Variants in FAM78B observed in about 807,000 individuals in gnomAD.
FAM78B encodes family with sequence similarity 78 member B.
FAM78B carries 10 observed loss-of-function variants against 20.0 expected under a neutral mutation model. The observed-to-expected ratio is 0.50, with a 90% CI of 0.31 to 0.85. FAM78B has a LOEUF of 0.85. FAM78B is among the 40% of genes least tolerant of loss of function. The pLI is 0.05. For missense variants in FAM78B, 283 were observed against 345.0 expected (o/e 0.82, Z 1.42); for synonymous variants, 135 against 132.8 (o/e 1.02, Z -0.12).
At chr1:166,098,264 C>T (rs968183684) in intron 1 of FAM78B, among the ~76,000 whole-genome samples, 1 of 152,080 alleles carries the variant, frequency 6.6e-6, no homozygotes, top group East Asian at 1.9e-4. Flanking sequence ...TTGACAGAGA[C>T]TACCCAAATG....
chr1:166,157,640 C>A (rs1216669658), intron 1 of FAM78B, among the ~76,000 whole-genome samples: 2 of 152,130 alleles, frequency 1.3e-5, no homozygotes, highest in African/African-American at 2.4e-5. Flanking sequence ...AGCCAGGGGT[C>A]CCTTCCACCA....
At chr1:166,155,182 C>T (rs1305448195) in intron 1 of FAM78B, among the ~76,000 whole-genome samples, 2 of 152,168 alleles carry the variant, frequency 1.3e-5, no homozygotes, top group African/African-American at 2.4e-5. Flanking sequence ...TCAGCAAGGA[C>T]GAAAGCAAAC....
rs771421402 is a variant in FAM78B at position 166,084,237 on chromosome 1, A to ACACACACTCT, written c.264-13475_264-13474insAGAGTGTGTG. Among the ~76,000 whole-genome samples the ACACACACTCT allele has an allele frequency of 3.3e-3, 420 of 125,464 alleles. 3 individuals are homozygous for ACACACACTCT. The highest frequency in any genetic ancestry group is 6.8e-3 in the South Asian group (26 of 3,826). The allele number at this position is 125,464 out of a possible 152,430, so 82.3% of individuals were successfully genotyped here. A position where few individuals can be genotyped will look rare whatever the true frequency, so the allele number is the denominator to read the frequency against. ...CACACACACACACACACACACACAC[A>ACACACACTCT]CTCTCTCTCTCTCTCTCTCTCTCTC... On this transcript the variant is annotated intron_variant, in intron 1 of 1. Transcript: ENST00000354422.
At chr1:166,142,323 T>C (rs1026528522) in intron 1 of FAM78B, among the ~76,000 whole-genome samples, 1 of 152,190 alleles carries the variant, frequency 6.6e-6, no homozygotes, top group African/African-American at 2.4e-5. Flanking sequence ...AGACTCTCCC[T>C]GTGCCCTAAG....
At chr1:166,064,481 T>G (rs527606511), downstream of FAM78B, among the ~76,000 whole-genome samples, 1 of 152,280 alleles carries the variant, frequency 6.6e-6, no homozygotes, top group East Asian at 1.9e-4. Context: ...CAGCCTCCTT[T>G]CCTTTCCAAA....
intron 1 of FAM78B, among the ~76,000 whole-genome samples, chr1:166,151,917 G>GTA (rs1296314102): frequency 1.3e-5 from 2 of 152,114 alleles, no homozygotes; most frequent in Admixed American, 6.5e-5. Flanking sequence ...ATCCATACCA[G>GTA]TACTTAACTT....
chr1:166,074,121 A>G (rs1652164261), intron 1 of FAM78B, among the ~76,000 whole-genome samples: 3 of 152,210 alleles, frequency 2.0e-5, no homozygotes, highest in Admixed American at 2.0e-4. Flanking sequence ...CTTTCTATAC[A>G]TAAAATCCTT....
At chr1:166,063,288 T>C (rs554312839) in intron 2 of FAM78B, among the ~76,000 whole-genome samples, 41 of 152,348 alleles carry the variant, frequency 2.7e-4, no homozygotes, top group African/African-American at 9.9e-4. Flanking sequence ...TTCAGAGGGA[T>C]ACCACAACAT....
chr1:166,123,715 G>C (rs1654543378), intron 1 of FAM78B, among the ~76,000 whole-genome samples: 1 of 152,196 alleles, frequency 6.6e-6, no homozygotes, highest in Admixed American at 6.5e-5. Context: ...GGCAGTTCCT[G>C]GGATCTCAGG....
chr1:166,130,164 T>C (rs965370313), intron 1 of FAM78B, among the ~76,000 whole-genome samples: 1 of 152,000 alleles, frequency 6.6e-6, no homozygotes, highest in South Asian at 2.1e-4. Flanking sequence ...GTGTCATCCA[T>C]GAAAACAGGC....
intron 1 of FAM78B, among the ~76,000 whole-genome samples, chr1:166,106,445 TA>T (rs937458114): frequency 5.2e-4 from 77 of 148,226 alleles, no homozygotes; most frequent in African/African-American, 1.8e-3. Context: ...AAACTTAAAT[TA>T]AAAAAAAAAG....
At chr1:166,100,694 A>G (rs1053400550) in intron 1 of FAM78B, among the ~76,000 whole-genome samples, 3 of 152,248 alleles carry the variant, frequency 2.0e-5, no homozygotes, top group African/African-American at 7.2e-5. Flanking sequence ...AAGCAGCTGG[A>G]AAGCTCGAAC....
intron 1 of FAM78B, among the ~76,000 whole-genome samples, chr1:166,154,230 TG>T (rs1655806711): frequency 1.3e-5 from 2 of 152,010 alleles, no homozygotes; most frequent in South Asian, 4.2e-4. Flanking sequence ...TGCCTGTGTG[TG>T]GGTAGGGGCC....
intron 1 of FAM78B, among the ~76,000 whole-genome samples, chr1:166,113,912 A>C (rs188788802): frequency 6.6e-5 from 10 of 152,350 alleles, no homozygotes; most frequent in African/African-American, 2.2e-4. Context: ...GTCAGGGTCC[A>C]AACTGGTGAA....
chr1:166,153,615 G>A (rs999072750), intron 1 of FAM78B, among the ~76,000 whole-genome samples: 3 of 152,150 alleles, frequency 2.0e-5, no homozygotes, highest in Non-Finnish European at 4.4e-5. Context: ...TCTCCAGGGA[G>A]GGTAGAAGCC....
chr1:166,149,838 C>T (rs1199371614), intron 1 of FAM78B, among the ~76,000 whole-genome samples: 2 of 152,150 alleles, frequency 1.3e-5, no homozygotes, highest in East Asian at 3.9e-4. Context: ...TGATACTAGG[C>T]ATGTGTGCCT....
intron 1 of FAM78B, among the ~76,000 whole-genome samples, chr1:166,081,529 A>G (rs966135008): frequency 6.6e-6 from 1 of 152,136 alleles, no homozygotes; most frequent in African/African-American, 2.4e-5. Context: ...ATGCCTGCAG[A>G]GCGCCGTGCA....
chr1:166,077,623 T>TA (rs1257431756), intron 1 of FAM78B, among the ~76,000 whole-genome samples: 1 of 141,694 alleles, frequency 7.1e-6, no homozygotes, highest in African/African-American at 2.6e-5. Context: ...AAATTATATA[T>TA]AATACATATA....
downstream of FAM78B, among the ~76,000 whole-genome samples, chr1:166,065,739 T>G (rs1488569211): frequency 6.6e-6 from 1 of 152,106 alleles, no homozygotes; most frequent in Non-Finnish European, 1.5e-5. Flanking sequence ...TGGAACCAGA[T>G]GTACTCAAGA....
Sources: allele counts gnomAD v4.1 joint callset (sites outside exome capture counted in the v4.1 genomes callset), GRCh38; gene constraint gnomAD v4.1.1; transcripts MANE v1.5; gene names NCBI Gene and HGNC (gene_info 2026-07-23, HGNC 2026-07-21).